METTL21A: variants seen among roughly 807,000 people sequenced by gnomAD.
METTL21A encodes protein N-lysine methyltransferase METTL21A.
A neutral mutation model predicts 20.9 loss-of-function variants in METTL21A; 22 were observed. The ratio of observed to expected loss-of-function variants is 1.05; its 90% CI spans 0.75 to 1.50. The LOEUF is 1.50. METTL21A is among the 40% of genes most tolerant of loss of function. The pLI is 0.00. For synonymous variants in METTL21A, 93 were observed against 102.0 expected (o/e 0.91, Z 0.53); for missense variants, 271 against 266.8 (o/e 1.02, Z -0.11).
chr2:207,618,981 C>T (rs925564282), intron 3 of METTL21A, among the ~76,000 whole-genome samples: 2 of 152,066 alleles, frequency 1.3e-5, no homozygotes, highest in African/African-American at 4.8e-5. Flanking sequence ...AAGTTACTTA[C>T]CCTCCAAGAA....
intron 2 of METTL21A, among the ~76,000 whole-genome samples, 170 bp downstream of exon 2, chr2:207,624,059 A>C (rs1395739432): frequency 6.6e-6 from 1 of 152,104 alleles, no homozygotes; most frequent in Non-Finnish European, 1.5e-5. Context: ...TAGTTGCACT[A>C]CTCTGTGAAT....
At chr2:207,625,575 G>C (rs749986945), upstream of METTL21A, 1 of 152,414 alleles carries the variant, frequency 6.6e-6, no homozygotes, top group Non-Finnish European at 1.5e-5. Flanking sequence ...GGCGCTGTGG[G>C]GGCGGGAGCA....
intron 2 of METTL21A, among the ~76,000 whole-genome samples, chr2:207,623,673 G>A (rs1162212003): frequency 6.6e-6 from 1 of 152,098 alleles, no homozygotes; most frequent in Non-Finnish European, 1.5e-5. Context: ...CCAACATGTC[G>A]AAACCCCATC....
chr2:207,601,092 T>C (rs1189637373), intron 3 of METTL21A: 2 of 181,486 alleles, frequency 1.1e-5, no homozygotes, highest in East Asian at 8.9e-5. Flanking sequence ...TTAGAAATAG[T>C]GTTACATACC....
downstream of METTL21A, chr2:207,581,595 AT>A (rs1007242090): frequency 2.7e-4 from 86 of 321,580 alleles, 2 homozygotes; most frequent in Admixed American, 3.7e-4. Context: ...AAAGGTAAAT[AT>A]ACATTTTTAA....
At chr2:207,582,115 CTT>C (rs762667299) in exon 4 of METTL21A, 33 of 702,576 alleles carry the variant, frequency 4.7e-5, no homozygotes, top group Non-Finnish European at 7.8e-5. Flanking sequence ...CCATTTTTCT[CTT>C]TGTCCAGCCC....
intron 3 of METTL21A, among the ~76,000 whole-genome samples, chr2:207,583,953 G>T (rs778452088): frequency 2.0e-5 from 3 of 152,068 alleles, no homozygotes; most frequent in Non-Finnish European, 2.9e-5. Context: ...TTTAGATCTG[G>T]TTCCTTCATC....
downstream of METTL21A, among the ~76,000 whole-genome samples, chr2:207,607,764 A>C (rs965150490): frequency 2.0e-5 from 3 of 148,930 alleles, no homozygotes; most frequent in Admixed American, 1.4e-4. Context: ...GGATTATTTA[A>C]CTGCATAACT....
intron 2 of METTL21A, among the ~76,000 whole-genome samples, chr2:207,623,986 T>A (rs2107357106): frequency 6.6e-6 from 1 of 152,046 alleles, no homozygotes; most frequent in South Asian, 2.1e-4. Flanking sequence ...ACAAGAGGAG[T>A]GACTAAGGGA....
rs867812126 is a variant in METTL21A, at chr2:207,590,012, A to C, written c.260-7852T>G. Among the ~76,000 whole-genome samples, 3 of 147,880 alleles carry C rather than the reference A, an allele frequency of 2.0e-5. No homozygotes were observed. In the South Asian group the frequency reaches 6.5e-4, roughly 32 times the overall value. ...TGGAAGAGATTATAATATTTGTATT[A>C]TTTAAGCCTTATATGGTTGGTAGAA... On this transcript the variant is annotated intron_variant, in intron 3 of 3. Coordinates refer to the METTL21A transcript ENST00000425132.
At chr2:207,604,233 C>A (rs1386437953), downstream of METTL21A, among the ~76,000 whole-genome samples, 1 of 152,180 alleles carries the variant, frequency 6.6e-6, no homozygotes. Flanking sequence ...GAAGTCACAT[C>A]CAAAGATAAA....
At position 207,624,089 on chromosome 2, in the gene METTL21A, G is replaced by T. The variant is rs79543984; in HGVS notation, c.147+140C>A. ...GTGAATATACTGTATTTTTAAAACC[G>T]CACTGAATTGTGCACTTTAAATAGG... On this transcript the variant is annotated intron_variant, in intron 2 of 3. Coordinates refer to ENST00000406927, the Ensembl canonical transcript of METTL21A. 4.6e-4 allele frequency: 469 copies of T among 1,015,870 alleles called. 4 individuals are homozygous for T. In the East Asian group the frequency reaches 0.013, roughly 28 times the overall value. 62.9% of individuals were successfully genotyped at this position (1,015,870 alleles called of 1,614,324 possible).
At chr2:207,595,050 C>T (rs1028669336) in intron 3 of METTL21A, among the ~76,000 whole-genome samples, 3 of 145,146 alleles carry the variant, frequency 2.1e-5, no homozygotes, top group African/African-American at 7.7e-5. Context: ...AGGTAGAGTG[C>T]CGTGGTGCAA....
chr2:207,615,875 G>A (rs552791263), intron 3 of METTL21A, among the ~76,000 whole-genome samples: 6 of 151,962 alleles, frequency 3.9e-5, no homozygotes, highest in African/African-American at 1.4e-4. Flanking sequence ...GAGGTGGACT[G>A]GGATTTCTTA....
At chr2:207,620,541 G>A (rs768112711) in intron 3 of METTL21A, 2 of 803,030 alleles carry the variant, frequency 2.5e-6, no homozygotes, top group Non-Finnish European at 3.7e-6. Context: ...CAGTGATCAG[G>A]ACTTCAGAAA....
chr2:207,584,599 G>A (rs1461185075), intron 3 of METTL21A, among the ~76,000 whole-genome samples: 8 of 151,884 alleles, frequency 5.3e-5, no homozygotes, highest in Admixed American at 3.9e-4. Flanking sequence ...ACAGGGTTTC[G>A]CCATGTTGGC....
intron 3 of METTL21A, among the ~76,000 whole-genome samples, chr2:207,619,781 T>C (rs1281510769): frequency 4.6e-4 from 2 of 4,346 alleles, no homozygotes; most frequent in Non-Finnish European, 7.8e-4. Context: ...AAAAAGCAGT[T>C]ACTCAGAGAG....
Position 207,621,887 on chromosome 2 carries a change from C to A in METTL21A, c.178G>T (p.Gly60Ter). Residue 60 changes from glycine to a stop codon, truncating the protein, a stop_gained, in exon 3 of 4, where the codon GGA becomes TGA. Transcript: ENST00000406927. LOFTEE classifies it high-confidence loss of function. ...GAGCGGCCCCTGAGCTCCACAGCTC[C>A]CATCTCCAGGTATGTGGAAAGAACG... The A allele has an allele frequency of 6.2e-7, 1 of 1,614,140 alleles. No homozygotes were observed. The highest frequency in any genetic ancestry group is 8.5e-7 in the Non-Finnish European group (1 of 1,180,014).
chr2:207,620,852 A>G, intron 3 of METTL21A: 2 of 598,968 alleles, frequency 3.3e-6, no homozygotes, highest in Non-Finnish European at 5.7e-6. Context: ...AGGACAAAAG[A>G]GGGGCTTTAG....
Sources: gnomAD v4.1 joint callset for allele counts (sites outside exome capture counted in the v4.1 genomes callset) on GRCh38, gnomAD v4.1.1 for gene constraint, MANE v1.5 for transcripts, NCBI Gene and HGNC (gene_info 2026-07-23, HGNC 2026-07-21) for gene names.